Variants in ARHGEF12 observed in about 807,000 individuals in gnomAD.
ARHGEF12 encodes the protein KMT2A/ARHGEF12 fusion protein.
A neutral mutation model predicts 211.2 loss-of-function variants in ARHGEF12; 66 were observed. That is an observed-to-expected ratio of 0.31 (90% CI 0.26 to 0.38). ARHGEF12 has a LOEUF of 0.38. Among genes scored for constraint, ARHGEF12 ranks in the 10% least tolerant of loss-of-function variants. The probability of loss-of-function intolerance (pLI) is 1.00; values close to 1 mark genes in which losing one functional copy is unlikely to be tolerated. For synonymous variants in ARHGEF12, 592 were observed against 638.4 expected (o/e 0.93, Z 1.09); for missense variants, 1,429 against 1,869.5 (o/e 0.76, Z 4.34).
chr11:120,403,854 A>G (rs546594634), intron 1 of ARHGEF12, among the ~76,000 whole-genome samples: 12 of 152,344 alleles, frequency 7.9e-5, no homozygotes, highest in African/African-American at 2.2e-4. Context: ...ACTTAAAAAT[A>G]TAGGAGTTTT....
Position 120,477,264 on chromosome 11 carries a change from A to G in ARHGEF12, c.3411A>G (p.Gln1137=), listed in dbSNP as rs1565513070. The G allele has an allele frequency of 6.2e-7, 1 of 1,614,116 alleles. No homozygotes were observed. Among genetic ancestry groups the G allele is most frequent in the Non-Finnish European group, 8.5e-7 (1 of 1,180,028 alleles). Residue 1137 remains glutamine (Q), a synonymous_variant, in exon 35 of 41, where the codon CAA becomes CAG. Coordinates refer to ENST00000397843, the MANE Select transcript of ARHGEF12 (RefSeq NM_015313.3). ...ICRMAASVKE[Q]STKPIPLPQS... ...GGATGGCTGCATCAGTGAAGGAGCAATCCACAAAGCCAATTCCATTACCAC... is the reference window on the plus strand; with the variant it reads ...GGATGGCTGCATCAGTGAAGGAGCAGTCCACAAAGCCAATTCCATTACCAC...
At chr11:120,345,559 C>T (rs139846045) in intron 1 of ARHGEF12, among the ~76,000 whole-genome samples, 1,665 of 152,048 alleles carry the variant, frequency 0.011, 30 homozygotes, top group African/African-American at 0.038. Flanking sequence ...AAAAATTAGC[C>T]GAGTGTGGTG....
chr11:120,442,341 C>G (rs1168971246), intron 15 of ARHGEF12, 139 bp downstream of exon 15: 2 of 538,570 alleles, frequency 3.7e-6, no homozygotes, highest in African/African-American at 4.1e-5. Context: ...ATTGATTACT[C>G]TAGACTTTTT....
Position 120,337,020 on chromosome 11 carries a change from C to T in ARHGEF12, c.-224C>T. On this transcript the variant is annotated 5_prime_UTR_variant, in exon 1 of 41. Transcript: ENST00000397843. ...GCTCGACTCACTCTGGACTGACTCG[C>T]TCCCTGGCTTTCTCAGTTCGTTTTG... 1 of 607,108 alleles carries T rather than the reference C, an allele frequency of 1.6e-6. No homozygotes were observed. Among genetic ancestry groups the T allele is most frequent in the East Asian group, 2.8e-5 (1 of 35,672 alleles). 37.6% of individuals were successfully genotyped at this position (607,108 alleles called of 1,614,324 possible).
intron 8 of ARHGEF12, among the ~76,000 whole-genome samples, chr11:120,428,787 A>T (rs1945435432): frequency 6.6e-6 from 1 of 152,192 alleles, no homozygotes; most frequent in South Asian, 2.1e-4. Flanking sequence ...AAAAAGCATC[A>T]AATATTGTGG....
chr11:120,450,553 G>A (rs1946179895), intron 21 of ARHGEF12: 1 of 152,076 alleles, frequency 6.6e-6, no homozygotes, highest in East Asian at 1.9e-4. Flanking sequence ...TTTCACAGAT[G>A]CTAACCGTGA....
intron 1 of ARHGEF12, among the ~76,000 whole-genome samples, chr11:120,370,863 C>CA (rs1943570565): frequency 6.6e-6 from 1 of 151,644 alleles, no homozygotes; most frequent in Non-Finnish European, 1.5e-5. Flanking sequence ...CCTCCCTTAT[C>CA]ACCTTTTAAT....
chr11:120,381,791 A>T (rs750183531), intron 1 of ARHGEF12, among the ~76,000 whole-genome samples: 12 of 152,188 alleles, frequency 7.9e-5, no homozygotes, highest in Non-Finnish European at 1.3e-4. Context: ...CCCCCTGTGC[A>T]TCCCGTTTGT....
chr11:120,444,836 T>C (rs1267700946), intron 15 of ARHGEF12, among the ~76,000 whole-genome samples: 2 of 152,200 alleles, frequency 1.3e-5, no homozygotes, highest in African/African-American at 2.4e-5. Context: ...CCTTATTTGG[T>C]TCAGTAGCAA....
At chr11:120,346,437 C>T (rs1453852012) in intron 1 of ARHGEF12, among the ~76,000 whole-genome samples, 1 of 152,196 alleles carries the variant, frequency 6.6e-6, no homozygotes, top group Non-Finnish European at 1.5e-5. Flanking sequence ...GCTCTTAAAG[C>T]TTTCACTCAG....
In ARHGEF12 at chr11:120,419,760, G is replaced by C. The variant is rs539776291; in HGVS notation, c.200-993G>C. The stretch of plus-strand genomic sequence containing the variant: ...AAATCAGACTTATATTTAAAAGATT[G>C]TGGCTTTTTGTATAAAAATCTTTAG... On this transcript the variant is annotated intron_variant, in intron 4 of 40. Transcript: ENST00000397843. Among the ~76,000 whole-genome samples the C allele has an allele frequency of 2.0e-5, 3 of 152,186 alleles. No homozygotes were observed. In the East Asian group the frequency reaches 5.8e-4, roughly 29 times the overall value.
At chr11:120,431,704 T>C in intron 10 of ARHGEF12, 67 bp from the exon 11 acceptor site, 1 of 1,447,116 alleles carries the variant, frequency 6.9e-7, no homozygotes, top group Non-Finnish European at 9.2e-7. Context: ...TATTTCTTTA[T>C]GCAGCAAGTA....
At chr11:120,415,649 G>T (rs1183610752) in intron 4 of ARHGEF12, among the ~76,000 whole-genome samples, 5 of 152,166 alleles carry the variant, frequency 3.3e-5, no homozygotes, top group African/African-American at 1.2e-4. Context: ...ATTTGATTTT[G>T]AATGAGAGGG....
intron 1 of ARHGEF12, among the ~76,000 whole-genome samples, chr11:120,372,019 A>G (rs368832460): frequency 3.3e-5 from 5 of 152,246 alleles, no homozygotes; most frequent in African/African-American, 1.2e-4. Context: ...AAGGTTATTT[A>G]GATAGCTTAT....
intron 1 of ARHGEF12, among the ~76,000 whole-genome samples, chr11:120,384,142 TCTAGA>T (rs1943960394): frequency 6.6e-6 from 1 of 152,172 alleles, no homozygotes. Flanking sequence ...TTTTAGCAAA[TCTAGA>T]CTATTTTCTT....
At chr11:120,467,606 C>CTT (rs71050748) in intron 29 of ARHGEF12, among the ~76,000 whole-genome samples, 23,037 of 106,762 alleles carry the variant, frequency 0.22, 3,008 homozygotes, top group Non-Finnish European at 0.23. Context: ...CCACACTTGG[C>CTT]TTTTTTTTTT....
chr11:120,379,206 T>A, intron 1 of ARHGEF12, among the ~76,000 whole-genome samples: 1 of 152,188 alleles, frequency 6.6e-6, no homozygotes, highest in East Asian at 1.9e-4. Context: ...ATAAATAGCA[T>A]TTAAAATTAA....
chr11:120,348,887 G>T (rs1387917292), intron 1 of ARHGEF12, among the ~76,000 whole-genome samples: 1 of 152,116 alleles, frequency 6.6e-6, no homozygotes, highest in Non-Finnish European at 1.5e-5. Flanking sequence ...TGCATATAGA[G>T]TGTACGTGAA....
chr11:120,365,804 A>C (rs1206713835), intron 1 of ARHGEF12: 1 of 152,226 alleles, frequency 6.6e-6, no homozygotes, highest in Non-Finnish European at 1.5e-5. Flanking sequence ...CTTGGTTGAA[A>C]AAGGGCACCT....
Sources: allele counts gnomAD v4.1 joint callset (sites outside exome capture counted in the v4.1 genomes callset), GRCh38; gene constraint gnomAD v4.1.1; transcripts MANE v1.5; gene names NCBI Gene and HGNC (gene_info 2026-07-23, HGNC 2026-07-21).